HESX1: variants seen among roughly 807,000 people sequenced by gnomAD.
HESX1 encodes HESX homeobox 1.
Under a neutral mutation model 22.5 loss-of-function variants are expected in HESX1, and 11 were observed. That is an observed-to-expected ratio of 0.49 (90% CI 0.31 to 0.81). HESX1 has a LOEUF of 0.81. HESX1 is among the 30% of genes least tolerant of loss of function. HESX1 has a pLI of 0.05. For missense variants in HESX1, 201 were observed against 212.6 expected (o/e 0.95, Z 0.34); for synonymous variants, 74 against 76.5 (o/e 0.97, Z 0.17).
Position 57,199,621 on chromosome 3 carries a change from GA to G in HESX1, c.157+140del, listed in dbSNP as rs113245988. 0.054 allele frequency: 19,069 copies of G among 353,794 alleles called. 44 individuals carry two copies. Among genetic ancestry groups the G allele is most frequent in the African/African-American group, 0.059 (2,115 of 36,010 alleles). The allele number at this position is 353,794 out of a possible 1,614,324, so 21.9% of individuals were successfully genotyped here. ...GCAACAAGACCAACACTCTGTCTCA[GA>G]AAAAAAAAAAAAATAATAAATAATA... On this transcript the variant is annotated intron_variant, in intron 1 of 3. Coordinates refer to ENST00000295934, the MANE Select transcript of HESX1 (RefSeq NM_003865.3).
intron 1 of HESX1, among the ~76,000 whole-genome samples, chr3:57,218,343 G>A (rs1192637635): frequency 6.6e-6 from 1 of 151,678 alleles, no homozygotes; most frequent in African/African-American, 2.4e-5. Context: ...ATTTCTAAGT[G>A]AGAACATGTG....
chr3:57,208,302 A>T (rs2060531200), intron 1 of HESX1, among the ~76,000 whole-genome samples: 1 of 152,088 alleles, frequency 6.6e-6, no homozygotes, highest in South Asian at 2.1e-4. Flanking sequence ...TGTCAATGTT[A>T]TGTATGCTAA....
chr3:57,225,881 C>CTTTT (rs540522007), intron 1 of HESX1, among the ~76,000 whole-genome samples: 5 of 132,120 alleles, frequency 3.8e-5, no homozygotes, highest in Non-Finnish European at 3.2e-5. Flanking sequence ...CTTTTCTTTT[C>CTTTT]TTTTTTTTTT....
intron 1 of HESX1, among the ~76,000 whole-genome samples, chr3:57,211,384 GC>G (rs768970931): frequency 6.6e-6 from 1 of 151,746 alleles, no homozygotes; most frequent in Non-Finnish European, 1.5e-5. Flanking sequence ...AAAACCTTCA[GC>G]CGGGCGTGGT....
At chr3:57,204,089 G>C (rs2060505805), upstream of HESX1, among the ~76,000 whole-genome samples, 1 of 152,244 alleles carries the variant, frequency 6.6e-6, no homozygotes, top group Admixed American at 6.5e-5. Flanking sequence ...AGTCAGCCAA[G>C]TCCAGCCAAT....
chr3:57,207,202 G>A (rs1033990245), intron 1 of HESX1, among the ~76,000 whole-genome samples: 3 of 152,068 alleles, frequency 2.0e-5, no homozygotes, highest in East Asian at 1.9e-4. Context: ...AACGCACCTC[G>A]GCCTCCCAAA....
At chr3:57,221,681 A>T (rs1274656092) in intron 1 of HESX1, among the ~76,000 whole-genome samples, 1 of 152,144 alleles carries the variant, frequency 6.6e-6, no homozygotes, top group Non-Finnish European at 1.5e-5. Context: ...ATCTCGGCTC[A>T]CTGCAAACTC....
chr3:57,218,537 G>A (rs146852088), intron 1 of HESX1, among the ~76,000 whole-genome samples: 72 of 149,446 alleles, frequency 4.8e-4, no homozygotes, highest in African/African-American at 1.5e-3. Context: ...TCTGCCTCCC[G>A]GGTTCAAGTG....
chr3:57,212,615 G>A lies in HESX1; in HGVS notation c.-110-12587C>T, dbSNP rs1377438975. On this transcript the variant is annotated intron_variant, in intron 1 of 2. Coordinates refer to the HESX1 transcript ENST00000495160. ...GATCCAAGTAGCAAAGAGAAAAAAC[G>A]TAAATTTTAAAAAAGATTCATTCTA... Among the ~76,000 whole-genome samples the A allele has an allele frequency of 2.7e-5, 4 of 147,678 alleles. No individual in the cohort carries two copies. In the East Asian group the frequency reaches 8.2e-4, roughly 30 times the overall value.
At chr3:57,209,348 G>A (rs1247234029) in intron 1 of HESX1, among the ~76,000 whole-genome samples, 1 of 152,070 alleles carries the variant, frequency 6.6e-6, no homozygotes, top group Non-Finnish European at 1.5e-5. Context: ...GAACAATACT[G>A]AAAATAGTGA....
At chr3:57,222,010 G>A (rs574819208) in intron 1 of HESX1, among the ~76,000 whole-genome samples, 11 of 151,966 alleles carry the variant, frequency 7.2e-5, no homozygotes, top group Non-Finnish European at 1.0e-4. Flanking sequence ...TTTTTGTTTT[G>A]TTCATTATTT....
intron 1 of HESX1, among the ~76,000 whole-genome samples, chr3:57,222,414 A>C (rs1374053557): frequency 6.6e-6 from 1 of 151,760 alleles, no homozygotes; most frequent in Non-Finnish European, 1.5e-5. Context: ...ATGTGCCACC[A>C]CACCTGGCTA....
chr3:57,203,690 G>A (rs1353371456), upstream of HESX1, among the ~76,000 whole-genome samples: 1 of 152,194 alleles, frequency 6.6e-6, no homozygotes, highest in East Asian at 1.9e-4. Flanking sequence ...GAGTAGCTGG[G>A]ACTACAGGTA....
upstream of HESX1, among the ~76,000 whole-genome samples, chr3:57,200,894 G>A (rs1238468258): frequency 6.6e-6 from 1 of 152,144 alleles, no homozygotes; most frequent in Non-Finnish European, 1.5e-5. Context: ...AGAACAGAAT[G>A]TTTTAATTTC....
upstream of HESX1, among the ~76,000 whole-genome samples, chr3:57,201,863 A>C (rs997902501): frequency 1.0e-5 from 1 of 96,582 alleles, no homozygotes; most frequent in Admixed American, 1.2e-4. Flanking sequence ...ACATATCTAT[A>C]TCTATCTATC....
At chr3:57,199,417 G>A (rs1312706868) in intron 1 of HESX1, among the ~76,000 whole-genome samples, 1 of 152,022 alleles carries the variant, frequency 6.6e-6, no homozygotes, top group Non-Finnish European at 1.5e-5. Flanking sequence ...TCAGGAGTTC[G>A]AGACTAGCCT....
At chr3:57,226,792 GA>G (rs1304062097), upstream of HESX1, among the ~76,000 whole-genome samples, 2 of 152,156 alleles carry the variant, frequency 1.3e-5, no homozygotes, top group Non-Finnish European at 2.9e-5. Flanking sequence ...TAGATGTTTA[GA>G]AGACACTACT....
At chr3:57,206,815 CAT>C (rs940633189) in intron 1 of HESX1, among the ~76,000 whole-genome samples, 9 of 152,224 alleles carry the variant, frequency 5.9e-5, no homozygotes, top group Admixed American at 4.6e-4. Context: ...AGCAAGCAAA[CAT>C]AAGCTCATAA....
chr3:57,227,545 G>C (rs747037943), upstream of HESX1, among the ~76,000 whole-genome samples: 6 of 152,244 alleles, frequency 3.9e-5, no homozygotes, highest in Non-Finnish European at 7.3e-5. Flanking sequence ...AAACGCGCGC[G>C]TGCAGGGAAG....
Sources: gnomAD v4.1 joint callset for allele counts (sites outside exome capture counted in the v4.1 genomes callset) on GRCh38, gnomAD v4.1.1 for gene constraint, MANE v1.5 for transcripts, NCBI Gene and HGNC (gene_info 2026-07-23, HGNC 2026-07-21) for gene names.